UNC80: variants seen among roughly 807,000 people sequenced by gnomAD.
UNC80 encodes unc-80 subunit of NALCN channel complex, also known as protein unc-80 homolog.
In UNC80, 164 loss-of-function variants were observed where a neutral mutation model predicts 384.6. That is an observed-to-expected ratio of 0.43 (90% CI 0.38 to 0.49). UNC80 has a LOEUF of 0.49. UNC80 is among the 20% of genes least tolerant of loss of function. The pLI is 0.00. For missense variants in UNC80, 3,330 were observed against 4,143.0 expected (o/e 0.80, Z 5.39); for synonymous variants, 1,486 against 1,527.8 (o/e 0.97, Z 0.64).
chr2:209,907,207 G>T (rs1478320924), intron 29 of UNC80, among the ~76,000 whole-genome samples: 1 of 149,002 alleles, frequency 6.7e-6, no homozygotes, highest in African/African-American at 2.5e-5. Context: ...CATCCAGCCA[G>T]CCAGCCGTTC....
chr2:209,846,509 A>G (rs1278912941), intron 21 of UNC80, among the ~76,000 whole-genome samples: 5 of 152,070 alleles, frequency 3.3e-5, no homozygotes, highest in African/African-American at 1.2e-4. Context: ...TAGATTTCAT[A>G]TGTCTGAAAC....
chr2:209,861,452 T>C (rs894748966), intron 22 of UNC80, among the ~76,000 whole-genome samples: 1 of 152,254 alleles, frequency 6.6e-6, no homozygotes, highest in African/African-American at 2.4e-5. Flanking sequence ...GGTTTGCCAG[T>C]ATTTTATTGA....
intron 14 of UNC80, among the ~76,000 whole-genome samples, chr2:209,827,557 G>A (rs2080630264): frequency 6.6e-6 from 1 of 152,052 alleles, no homozygotes; most frequent in Admixed American, 6.6e-5. Context: ...TAATCAATTT[G>A]ACTTATGGGA....
At chr2:209,956,204 G>T (rs541193675) in intron 48 of UNC80, among the ~76,000 whole-genome samples, 99 of 24,060 alleles carry the variant, frequency 4.1e-3, no homozygotes, top group African/African-American at 0.014. Context: ...AAATATTCCA[G>T]TGCATTTAAT....
chr2:209,804,009 T>C (rs2078725667), intron 7 of UNC80, among the ~76,000 whole-genome samples: 1 of 152,190 alleles, frequency 6.6e-6, no homozygotes, highest in South Asian at 2.1e-4. Flanking sequence ...AGTGCTGGGA[T>C]TACAGGTGTG....
chr2:209,780,707 GA>G (rs1350544551), intron 4 of UNC80, among the ~76,000 whole-genome samples: 1 of 152,176 alleles, frequency 6.6e-6, no homozygotes, highest in Non-Finnish European at 1.5e-5. Context: ...GGGTGTGTGG[GA>G]GGGAATTGGT....
Position 209,976,304 on chromosome 2 carries a change from G to T in UNC80, c.8772+1G>T. 2 of 1,551,782 alleles carry T rather than the reference G, an allele frequency of 1.3e-6. No homozygotes were observed. Among genetic ancestry groups the T allele is most frequent in the Non-Finnish European group, 8.7e-7 (1 of 1,147,030 alleles). On this transcript the variant is annotated splice_donor_variant, in intron 57 of 64. Coordinates refer to ENST00000673920, the MANE Select transcript of UNC80 (RefSeq NM_001371986.1). LOFTEE classifies it high-confidence loss of function. The surrounding 1 kb of genome is among the most constrained non-coding windows in gnomAD (Gnocchi z 4.3). ...TTTGCGCCCTTTCATCCAGTGCAAGGTGTGGTGTGTGCTTCTCCTCCTGAA... is the reference window on the plus strand; with the variant it reads ...TTTGCGCCCTTTCATCCAGTGCAAGTTGTGGTGTGTGCTTCTCCTCCTGAA...
chr2:209,842,032 ATG>A (rs2081797019), intron 20 of UNC80, among the ~76,000 whole-genome samples: 1 of 152,220 alleles, frequency 6.6e-6, no homozygotes, highest in Non-Finnish European at 1.5e-5. Flanking sequence ...AAGAATGACT[ATG>A]TCTCGCTATT....
chr2:209,858,776 T>A (rs1333602460), intron 22 of UNC80, among the ~76,000 whole-genome samples: 2 of 151,512 alleles, frequency 1.3e-5, no homozygotes, highest in African/African-American at 4.9e-5. Context: ...TTCTAGAAAA[T>A]TTAGTCTATT....
intron 24 of UNC80, among the ~76,000 whole-genome samples, chr2:209,879,791 A>G (rs1250497318): frequency 6.6e-6 from 1 of 152,194 alleles, no homozygotes; most frequent in African/African-American, 2.4e-5. Context: ...AATTCTACAG[A>G]AGCTTGTCTT....
At chr2:209,827,184 G>A (rs2080591295) in intron 14 of UNC80, among the ~76,000 whole-genome samples, 1 of 151,974 alleles carries the variant, frequency 6.6e-6, no homozygotes, top group South Asian at 2.1e-4. Flanking sequence ...ATAGAAAGCT[G>A]GCATCTCCCC....
chr2:209,878,358 A>G (rs1203832740), intron 24 of UNC80, among the ~76,000 whole-genome samples: 1 of 152,184 alleles, frequency 6.6e-6, no homozygotes, highest in Admixed American at 6.5e-5. Flanking sequence ...GACAAAACAA[A>G]TATTGGTATT....
chr2:209,820,473 A>G lies in UNC80; in HGVS notation c.2125A>G (p.Lys709Glu). Residue 709 changes from lysine (K) to glutamate (E), a missense_variant, in exon 13 of 65, where the codon AAG becomes GAG. Lys to Glu is a moderately conservative substitution (Grantham distance 56, BLOSUM62 1). Transcript: ENST00000673920. ...AAACAAGGAAAATGAGACCTTGGAAAAGAGGCCAAGTGAGGGAGCTTTCCA... is the reference window on the plus strand; with the variant it reads ...AAACAAGGAAAATGAGACCTTGGAAGAGAGGCCAAGTGAGGGAGCTTTCCA... ...SENKENETLE[K>E]RPSEGAFQFK... 2 of 1,551,758 alleles carry G rather than the reference A, an allele frequency of 1.3e-6. No individual in the cohort carries two copies. Among genetic ancestry groups the G allele is most frequent in the Non-Finnish European group, 1.7e-6 (2 of 1,147,018 alleles).
chr2:209,874,367 C>A (rs2084585103), intron 23 of UNC80, among the ~76,000 whole-genome samples: 1 of 152,172 alleles, frequency 6.6e-6, no homozygotes. Flanking sequence ...ACAACAGTCA[C>A]AATTGATAAT....
At chr2:209,925,412 A>G (rs1188784470) in intron 35 of UNC80, among the ~76,000 whole-genome samples, 2 of 152,218 alleles carry the variant, frequency 1.3e-5, no homozygotes, top group Non-Finnish European at 2.9e-5. Context: ...GGTAATGCGG[A>G]CCCAAAGAGT....
In UNC80 at chr2:209,814,295, G is replaced by A. The variant is rs191690565; in HGVS notation, c.1200+454G>A. Among the ~76,000 whole-genome samples the A allele has an allele frequency of 1.7e-3, 263 of 152,092 alleles. 2 individuals carry two copies. The highest frequency in any genetic ancestry group is 6.0e-3 in the African/African-American group (248 of 41,468). On this transcript the variant is annotated intron_variant, in intron 8 of 64. Transcript: ENST00000673920. The stretch of plus-strand genomic sequence containing the variant: ...CTGTCGCCCAGGCTGGGGTGCAGTG[G>A]CACGATCTTGGCTCACTGCAAGCTC...
chr2:209,993,484 C>A, intron 63 of UNC80, 58 bp downstream of exon 63: 2 of 1,457,900 alleles, frequency 1.4e-6, no homozygotes, highest in Non-Finnish European at 1.9e-6. Flanking sequence ...TGCAACTCAC[C>A]CAGGAAGGCT....
chr2:209,831,063 G>A (rs1024276788), intron 15 of UNC80, among the ~76,000 whole-genome samples: 1 of 151,348 alleles, frequency 6.6e-6, no homozygotes, highest in East Asian at 1.9e-4. Flanking sequence ...GCTTGAAAAT[G>A]AATTCTCCAT....
At chr2:209,796,612 A>T (rs2078173344) in intron 7 of UNC80, 1 of 152,266 alleles carries the variant, frequency 6.6e-6, no homozygotes. Flanking sequence ...CATGGGGGCC[A>T]GTCTTTCCTG....
Sources: gnomAD v4.1 joint callset for allele counts (sites outside exome capture counted in the v4.1 genomes callset) on GRCh38, gnomAD v4.1.1 for gene constraint, Gnocchi (gnomAD v3.1) non-coding constraint, MANE v1.5 for transcripts, NCBI Gene and HGNC (gene_info 2026-07-23, HGNC 2026-07-21) for gene names.